The following TENM3 variants were observed in gnomAD, a reference collection of about 807,000 sequenced individuals.
TENM3 encodes the protein teneurin-3.
In TENM3, 63 loss-of-function variants were observed where a neutral mutation model predicts 255.1. The observed-to-expected ratio is 0.25, with a 90% CI of 0.20 to 0.30. The LOEUF (loss-of-function observed/expected upper bound fraction) is 0.30, where lower values mean the gene tolerates loss of function less well. Ranked by LOEUF, TENM3 falls within the 10% of genes least tolerant of loss-of-function variation. The pLI is 1.00. For synonymous variants in TENM3, 1,306 were observed against 1,322.3 expected, an observed-to-expected ratio of 0.99 and a Z score of 0.27; for missense variants, 2,929 against 3,461.1, an observed-to-expected ratio of 0.85 and a Z score of 3.86.
At chr4:182,665,834 T>G (rs1262236579) in intron 6 of TENM3, among the ~76,000 whole-genome samples, 3 of 152,074 alleles carry the variant, frequency 2.0e-5, no homozygotes, top group Non-Finnish European at 2.9e-5. Context: ...AGGCGGAGGT[T>G]GCAGTGAGCC....
intron 13 of TENM3, 39 bp downstream of exon 13, chr4:182,714,272 G>A: frequency 1.4e-6 from 2 of 1,382,894 alleles, no homozygotes; most frequent in Non-Finnish European, 1.9e-6. Flanking sequence ...CTGTGCCAGA[G>A]CACAGGTTCG....
intron 4 of TENM3, among the ~76,000 whole-genome samples, chr4:182,615,044 T>A (rs867916620): frequency 1.8e-4 from 6 of 33,796 alleles, no homozygotes; most frequent in Admixed American, 6.0e-4. Flanking sequence ...AAAAAAAAAA[T>A]ACATATATAT....
chr4:182,606,571 C>T (rs1748458576), intron 4 of TENM3, among the ~76,000 whole-genome samples: 1 of 150,154 alleles, frequency 6.7e-6, no homozygotes, highest in Admixed American at 6.6e-5. Flanking sequence ...AAAATATGGT[C>T]CTGAATTTAC....
At chr4:182,309,048 A>G (rs886598294) in intron 1 of TENM3, among the ~76,000 whole-genome samples, 1 of 152,180 alleles carries the variant, frequency 6.6e-6, no homozygotes, top group Non-Finnish European at 1.5e-5. Context: ...CAGCAAGCTC[A>G]GAGACTTTCC....
At chr4:181,476,673 C>T in the TENM3 span, among the ~76,000 whole-genome samples, 1 of 152,232 alleles carries the variant, frequency 6.6e-6, no homozygotes, top group African/African-American at 2.4e-5. Flanking sequence ...ATGCACAGCC[C>T]GTTTTGGAGA....
In TENM3 at chr4:182,802,336, AC is replaced by A. The variant is rs1431806575; in HGVS notation, c.*1986del. ...GTATTATGAAGCCCAAATTTAGAAA[AC>A]TATGAGATTTCAAACCACATAAACA... is the stretch of plus-strand genomic sequence containing the variant. On this transcript the variant is annotated 3_prime_UTR_variant, in exon 28 of 28. Coordinates refer to ENST00000511685, the MANE Select transcript of TENM3 (RefSeq NM_001080477.4). 1 of 152,656 alleles carries A rather than the reference AC, an allele frequency of 6.6e-6. No individual in the cohort carries two copies. Among genetic ancestry groups the A allele is most frequent in the Non-Finnish European group, 1.5e-5 (1 of 68,050 alleles). 9.5% of individuals were successfully genotyped at this position (152,656 alleles called of 1,614,324 possible). A position where few individuals can be genotyped will look rare whatever the true frequency, so the allele number is the denominator to read the frequency against.
At chr4:182,686,666 C>G (rs893890442) in intron 11 of TENM3, among the ~76,000 whole-genome samples, 1 of 152,140 alleles carries the variant, frequency 6.6e-6, no homozygotes, top group Non-Finnish European at 1.5e-5. Context: ...GCAGTTTGTT[C>G]ATTAATTAGC....
At chr4:181,594,698 T>C in the TENM3 span, among the ~76,000 whole-genome samples, 1 of 152,178 alleles carries the variant, frequency 6.6e-6, no homozygotes, top group South Asian at 2.1e-4. Flanking sequence ...TTTTCTTCAG[T>C]GCCAATCTAT....
chr4:181,924,997 A>G, the TENM3 span, among the ~76,000 whole-genome samples: 1 of 152,236 alleles, frequency 6.6e-6, no homozygotes, highest in Non-Finnish European at 1.5e-5. Context: ...TATTGGTGTC[A>G]AATACAATAG....
At chr4:182,540,380 A>T (rs529656858) in intron 3 of TENM3, among the ~76,000 whole-genome samples, 2 of 152,326 alleles carry the variant, frequency 1.3e-5, no homozygotes, top group South Asian at 4.1e-4. Flanking sequence ...ACCTGAGGTC[A>T]GGAGTTTGAG....
intron 3 of TENM3, among the ~76,000 whole-genome samples, chr4:182,355,117 GAGACTGGGGGC>G (rs1172365941): frequency 6.6e-6 from 1 of 152,202 alleles, no homozygotes; most frequent in Non-Finnish European, 1.5e-5. Context: ...GTTGCCAACA[GAGACTGGGGGC>G]AGGAGAGGAG....
chr4:182,421,998 T>G (rs895668751), intron 3 of TENM3, among the ~76,000 whole-genome samples: 1 of 152,114 alleles, frequency 6.6e-6, no homozygotes, highest in Non-Finnish European at 1.5e-5. Context: ...AATCCCACTG[T>G]GGTTAGAAAA....
chr4:181,794,666 CTG>C, the TENM3 span, among the ~76,000 whole-genome samples: 2,404 of 142,912 alleles, frequency 0.017, 56 homozygotes, highest in African/African-American at 0.054. Flanking sequence ...AATAATATCC[CTG>C]TGTGTGTGTG....
chr4:181,652,050 AT>A, the TENM3 span, among the ~76,000 whole-genome samples: 1 of 150,108 alleles, frequency 6.7e-6, no homozygotes, highest in Non-Finnish European at 1.5e-5. Flanking sequence ...TAAAATCATT[AT>A]TTAGCATGCA....
the TENM3 span, among the ~76,000 whole-genome samples, chr4:181,545,500 C>A: frequency 1.3e-5 from 2 of 152,070 alleles, no homozygotes; most frequent in African/African-American, 4.8e-5. Context: ...TTTATTACTT[C>A]TAGGTATTTT....
the TENM3 span, among the ~76,000 whole-genome samples, chr4:181,461,838 T>A: frequency 6.6e-6 from 1 of 152,214 alleles, no homozygotes; most frequent in Non-Finnish European, 1.5e-5. Flanking sequence ...TCCTCTCTCA[T>A]GTCTAAATCT....
At chr4:182,046,983 A>G in the TENM3 span, among the ~76,000 whole-genome samples, 13 of 152,320 alleles carry the variant, frequency 8.5e-5, no homozygotes, top group South Asian at 8.3e-4. Flanking sequence ...TCACACTGCA[A>G]TAAGATTTAG....
the TENM3 span, among the ~76,000 whole-genome samples, chr4:181,870,963 G>A: frequency 5.3e-5 from 8 of 151,880 alleles, no homozygotes; most frequent in Admixed American, 3.3e-4. Flanking sequence ...TGTGAAGTAG[G>A]GGTTGAAATG....
At chr4:182,558,513 G>A (rs1742801779) in intron 3 of TENM3, among the ~76,000 whole-genome samples, 1 of 152,150 alleles carries the variant, frequency 6.6e-6, no homozygotes, top group African/African-American at 2.4e-5. Context: ...AAAGCTGAAA[G>A]ATGTTGTTTC....
Sources: gnomAD v4.1 joint callset for allele counts (sites outside exome capture counted in the v4.1 genomes callset) on GRCh38, gnomAD v4.1.1 for gene constraint, MANE v1.5 for transcripts, NCBI Gene and HGNC (gene_info 2026-07-23, HGNC 2026-07-21) for gene names.